The following ABI3BP variants were observed in gnomAD, a reference collection of about 807,000 sequenced individuals.
The protein encoded by ABI3BP is ABI family member 3 binding protein.
Under a neutral mutation model 268.6 loss-of-function variants are expected in ABI3BP, and 216 were observed. The observed-to-expected ratio is 0.80, with a 90% CI of 0.72 to 0.90. ABI3BP has a LOEUF of 0.90. Among genes scored for constraint, ABI3BP ranks in the 40% least tolerant of loss-of-function variants. The pLI is 0.00. For synonymous variants in ABI3BP, 730 were observed against 730.0 expected, an observed-to-expected ratio of 1.00 and a Z score of 0.00; for missense variants, 2,090 against 2,182.4, an observed-to-expected ratio of 0.96 and a Z score of 0.84.
At chr3:100,860,237 G>A (rs1191566668) in intron 14 of ABI3BP, among the ~76,000 whole-genome samples, 2 of 152,186 alleles carry the variant, frequency 1.3e-5, no homozygotes, top group African/African-American at 2.4e-5. Context: ...ATGCTAAGTA[G>A]CAAAGACATA....
intron 20 of ABI3BP, among the ~76,000 whole-genome samples, chr3:100,845,517 C>T (rs1037737908): frequency 6.6e-6 from 1 of 152,142 alleles, no homozygotes; most frequent in Non-Finnish European, 1.5e-5. Context: ...AAATCATACC[C>T]ACTTTAGCAG....
At chr3:100,792,351 A>G (rs2097218916) in intron 55 of ABI3BP, among the ~76,000 whole-genome samples, 1 of 151,842 alleles carries the variant, frequency 6.6e-6, no homozygotes, top group African/African-American at 2.4e-5. Flanking sequence ...GAGAGGGAGC[A>G]GGAAGAGGAA....
chr3:100,875,000 G>T, intron 8 of ABI3BP, 67 bp from the exon 9 acceptor site: 3 of 892,146 alleles, frequency 3.4e-6, no homozygotes, highest in Non-Finnish European at 5.2e-6. Flanking sequence ...ATGAAGCTCA[G>T]CACATCAGAT....
At chr3:100,862,230 C>A in intron 14 of ABI3BP, 81 bp downstream of exon 14, 1 of 911,304 alleles carries the variant, frequency 1.1e-6, no homozygotes, top group South Asian at 1.7e-5. Flanking sequence ...TAATGATAAT[C>A]AATTAAGGAA....
At chr3:100,791,078 G>T (rs565395823) in intron 55 of ABI3BP, among the ~76,000 whole-genome samples, 1 of 151,836 alleles carries the variant, frequency 6.6e-6, no homozygotes, top group East Asian at 1.9e-4. Flanking sequence ...GGCCTTGAGG[G>T]TTTCAATTTT....
At chr3:100,825,372 G>C (rs1179407050) in intron 35 of ABI3BP, among the ~76,000 whole-genome samples, 3 of 121,816 alleles carry the variant, frequency 2.5e-5, no homozygotes, top group Non-Finnish European at 5.0e-5. Flanking sequence ...GAAACATACT[G>C]GGCATTTTTT....
intron 64 of ABI3BP, 70 bp from the exon 65 acceptor site, chr3:100,753,918 G>A: frequency 6.9e-7 from 1 of 1,445,926 alleles, no homozygotes; most frequent in Non-Finnish European, 9.6e-7. Context: ...GCATGGTGAA[G>A]ATGATGGGGG....
chr3:100,805,371 G>A (rs965690006), intron 50 of ABI3BP, among the ~76,000 whole-genome samples: 25 of 151,966 alleles, frequency 1.6e-4, no homozygotes, highest in South Asian at 2.1e-4. Context: ...CATCTTACCC[G>A]CCCTGCATTT....
chr3:100,970,709 CA>C (rs2083243586), intron 1 of ABI3BP, among the ~76,000 whole-genome samples: 1 of 152,166 alleles, frequency 6.6e-6, no homozygotes, highest in Admixed American at 6.5e-5. Context: ...AGGGTAGTTC[CA>C]CCAGGAGAGC....
Position 100,752,451 on chromosome 3 carries a change from A to G in ABI3BP, c.5122+336T>C, listed in dbSNP as rs1419541495. On this transcript the variant is annotated intron_variant, in intron 66 of 67. Coordinates refer to ENST00000471714, the MANE Select transcript of ABI3BP (RefSeq NM_001375547.2). ...AAGATGTTATATTCATTCCATGGTT[A>G]TTGTTAGATTTAGTCACTTTATTGT... 2.0e-5 allele frequency: 4 copies of G among 204,624 alleles called. No homozygotes were observed. The Admixed American group carries it at 2.1e-4, about 11-fold the overall frequency. 12.7% of individuals were successfully genotyped at this position (204,624 alleles called of 1,614,324 possible).
At chr3:100,931,856 T>C (rs1253101441) in intron 1 of ABI3BP, among the ~76,000 whole-genome samples, 1 of 151,962 alleles carries the variant, frequency 6.6e-6, no homozygotes, top group African/African-American at 2.4e-5. Context: ...AAAAAACTAT[T>C]CTAAAATTCA....
intron 1 of ABI3BP, among the ~76,000 whole-genome samples, chr3:100,985,087 T>C (rs978755668): frequency 4.9e-4 from 74 of 150,932 alleles, no homozygotes; most frequent in Non-Finnish European, 9.8e-4. Flanking sequence ...TAATTAGACC[T>C]ACAGTAACTT....
At chr3:100,950,839 G>A (rs1356510375) in intron 1 of ABI3BP, among the ~76,000 whole-genome samples, 10 of 151,588 alleles carry the variant, frequency 6.6e-5, no homozygotes, top group East Asian at 1.9e-4. Context: ...GTCCATCCTC[G>A]TCCAGGCATC....
chr3:100,777,325 T>C (rs2096733311), intron 59 of ABI3BP, among the ~76,000 whole-genome samples: 1 of 152,226 alleles, frequency 6.6e-6, no homozygotes, highest in Admixed American at 6.5e-5. Context: ...TGAAATTTGC[T>C]GGCATGTCCT....
At chr3:100,920,283 C>T (rs888588649) in intron 2 of ABI3BP, among the ~76,000 whole-genome samples, 3 of 152,112 alleles carry the variant, frequency 2.0e-5, no homozygotes, top group African/African-American at 7.2e-5. Flanking sequence ...GAAAGTTAAC[C>T]CAATAGTTAT....
intron 47 of ABI3BP, among the ~76,000 whole-genome samples, 174 bp downstream of exon 47, chr3:100,811,552 CAG>C (rs1022253101): frequency 2.0e-5 from 3 of 152,082 alleles, no homozygotes; most frequent in Non-Finnish European, 4.4e-5. Context: ...TTTCTGTATT[CAG>C]AGAGAGTCAA....
intron 45 of ABI3BP, 28 bp from the exon 46 acceptor site, chr3:100,812,551 T>C (rs2097887861): frequency 1.5e-6 from 2 of 1,294,098 alleles, no homozygotes; most frequent in Non-Finnish European, 9.9e-7. Flanking sequence ...ATGGTACAAT[T>C]GATAAAGGAT....
intron 61 of ABI3BP, 95 bp from the exon 62 acceptor site, chr3:100,771,047 CATATT>C (rs1428367651): frequency 1.3e-5 from 15 of 1,128,968 alleles, no homozygotes; most frequent in South Asian, 1.2e-4. Context: ...CATTTGGTCT[CATATT>C]ATAAGCGGAT....
At chr3:100,969,049 T>C (rs888697015) in intron 1 of ABI3BP, among the ~76,000 whole-genome samples, 1 of 152,180 alleles carries the variant, frequency 6.6e-6, no homozygotes, top group Non-Finnish European at 1.5e-5. Context: ...AAGGTCAGTA[T>C]TGCCTCATCT....
Sources: gnomAD v4.1 joint callset for allele counts (sites outside exome capture counted in the v4.1 genomes callset) on GRCh38, gnomAD v4.1.1 for gene constraint, MANE v1.5 for transcripts, NCBI Gene and HGNC (gene_info 2026-07-23, HGNC 2026-07-21) for gene names.